DLC1: variants seen among roughly 807,000 people sequenced by gnomAD.
DLC1 encodes the protein rho GTPase-activating protein 7.
DLC1 carries 54 observed loss-of-function variants against 140.3 expected under a neutral mutation model. The ratio of observed to expected loss-of-function variants is 0.38; its 90% CI spans 0.31 to 0.48. The LOEUF is 0.48. DLC1 is among the 20% of genes least tolerant of loss of function. The probability of loss-of-function intolerance (pLI) is 0.96; values close to 1 mark genes in which losing one functional copy is unlikely to be tolerated. For synonymous variants in DLC1, 986 were observed against 728.1 expected, an observed-to-expected ratio of 1.35 and a Z score of -5.70; for missense variants, 2,536 against 1,907.0, an observed-to-expected ratio of 1.33 and a Z score of -6.14.
intron 1 of DLC1, among the ~76,000 whole-genome samples, chr8:13,578,171 C>T (rs1387593158): frequency 6.6e-6 from 1 of 152,082 alleles, no homozygotes; most frequent in Non-Finnish European, 1.5e-5. Context: ...AGCACAGCTG[C>T]TGCTCCGTAC....
At position 13,168,662 on chromosome 8, in the gene DLC1, G is replaced by T. The variant is rs112618032; in HGVS notation, c.1349-53005C>A. ...ATAAACTGTCTCTAGTCCAGATAAG[G>T]CTCCTTTTGATCTTCCCCATGGAAT... On this transcript the variant is annotated intron_variant, in intron 5 of 17. Coordinates refer to ENST00000276297, the MANE Select transcript of DLC1 (RefSeq NM_182643.3). 6.4e-3 allele frequency among the ~76,000 whole-genome samples: 970 copies of T among 152,324 alleles called. 15 individuals are homozygous for T. Among genetic ancestry groups the T allele is most frequent in the African/African-American group, 0.022 (912 of 41,564 alleles).
Position 13,482,849 on chromosome 8 carries a change from T to C in DLC1, c.1023+16200A>G, listed in dbSNP as rs887999004. On this transcript the variant is annotated intron_variant, in intron 2 of 17. Transcript: ENST00000276297. ...TGTACACTGGGCATATGCTAGCTGCTAAGGAGAGAATGGTGACTAAGTAAT... is the reference window on the plus strand; with the variant it reads ...TGTACACTGGGCATATGCTAGCTGCCAAGGAGAGAATGGTGACTAAGTAAT... Among the ~76,000 whole-genome samples, 4 of 152,194 alleles carry C rather than the reference T, an allele frequency of 2.6e-5. 1 individual carries two copies. Among genetic ancestry groups the C allele is most frequent in the African/African-American group, 9.6e-5 (4 of 41,456 alleles).
chr8:13,109,820 G>C (rs573835210), intron 7 of DLC1, among the ~76,000 whole-genome samples: 12 of 151,958 alleles, frequency 7.9e-5, no homozygotes, highest in Admixed American at 1.3e-4. Flanking sequence ...GGGAGGCGGA[G>C]GTTGCAGTGA....
intron 4 of DLC1, among the ~76,000 whole-genome samples, chr8:13,351,279 A>T (rs917271242): frequency 6.6e-6 from 1 of 152,266 alleles, no homozygotes; most frequent in African/African-American, 2.4e-5. Context: ...CTCATGTTAT[A>T]GATGAAGACA....
At chr8:13,456,202 G>A (rs989889317) in intron 2 of DLC1, among the ~76,000 whole-genome samples, 1 of 152,294 alleles carries the variant, frequency 6.6e-6, no homozygotes, top group Non-Finnish European at 1.5e-5. Context: ...TTTGGCCTTT[G>A]CATCTATAGA....
chr8:13,508,382 T>C (rs1047750794), intron 1 of DLC1, among the ~76,000 whole-genome samples: 1 of 152,090 alleles, frequency 6.6e-6, no homozygotes, highest in African/African-American at 2.4e-5. Context: ...AACAGAGCCA[T>C]GTGGGACAAT....
intron 4 of DLC1, among the ~76,000 whole-genome samples, chr8:13,323,821 G>A (rs1334379280): frequency 6.6e-6 from 1 of 152,108 alleles, no homozygotes; most frequent in East Asian, 1.9e-4. Flanking sequence ...TTTGTTAACT[G>A]GTGGTATTAT....
At chr8:13,238,927 G>GT (rs1829415832) in intron 5 of DLC1, among the ~76,000 whole-genome samples, 1 of 152,212 alleles carries the variant, frequency 6.6e-6, no homozygotes, top group Admixed American at 6.5e-5. Flanking sequence ...GCCAGATGGT[G>GT]TGGGGGGTGT....
At chr8:13,549,439 C>A (rs896812766) in intron 1 of DLC1, among the ~76,000 whole-genome samples, 21 of 152,046 alleles carry the variant, frequency 1.4e-4, no homozygotes, top group African/African-American at 4.6e-4. Context: ...ATAAGGTAAG[C>A]AAATTTAACT....
chr8:13,245,594 G>A (rs1829730928), intron 5 of DLC1, among the ~76,000 whole-genome samples: 1 of 151,856 alleles, frequency 6.6e-6, no homozygotes, highest in Non-Finnish European at 1.5e-5. Context: ...TTTGTCTCAG[G>A]GACTTTTCTT....
intron 5 of DLC1, among the ~76,000 whole-genome samples, chr8:13,228,707 C>T (rs1027119254): frequency 1.3e-5 from 2 of 152,192 alleles, no homozygotes; most frequent in Non-Finnish European, 2.9e-5. Flanking sequence ...TCGTGCTGCT[C>T]CACTCCAGCC....
intron 8 of DLC1, 68 bp from the exon 9 acceptor site, chr8:13,100,838 G>A (rs1156615059): frequency 6.7e-7 from 1 of 1,485,830 alleles, no homozygotes; most frequent in South Asian, 1.4e-5. Flanking sequence ...GGCATGAGCA[G>A]GAGGCTGCTC....
intron 2 of DLC1, among the ~76,000 whole-genome samples, chr8:13,472,522 C>T (rs1800254111): frequency 6.6e-6 from 1 of 152,192 alleles, no homozygotes; most frequent in South Asian, 2.1e-4. Context: ...CCTTGACATA[C>T]TGTGAGAATT....
intron 5 of DLC1, among the ~76,000 whole-genome samples, chr8:13,209,766 A>T (rs1827848458): frequency 6.6e-6 from 1 of 152,076 alleles, no homozygotes; most frequent in Non-Finnish European, 1.5e-5. Context: ...ACCATGTGAG[A>T]TGCCTGCTCC....
intron 5 of DLC1, among the ~76,000 whole-genome samples, chr8:13,243,903 C>G (rs1028571597): frequency 6.6e-6 from 1 of 152,160 alleles, no homozygotes; most frequent in Non-Finnish European, 1.5e-5. Context: ...TAAGTTTAGA[C>G]TCATATATGC....
intron 5 of DLC1, among the ~76,000 whole-genome samples, chr8:13,121,727 AT>A (rs953787443): frequency 3.7e-4 from 19 of 51,934 alleles, no homozygotes; most frequent in South Asian, 5.9e-4. Flanking sequence ...TTTTTATACT[AT>A]TTTTTATAGA....
chr8:13,249,462 G>C lies in DLC1; in HGVS notation c.1348+55807C>G, dbSNP rs17127711. On this transcript the variant is annotated intron_variant, in intron 5 of 17. Coordinates refer to ENST00000276297, the MANE Select transcript of DLC1 (RefSeq NM_182643.3). ...TTGGTATCCTCTATCTCAGCTTCCA[G>C]GCACTCCTTGTCATGGTACCCACTG... Among the ~76,000 whole-genome samples, 1,488 of 152,136 alleles carry C rather than the reference G, an allele frequency of 9.8e-3. 34 individuals carry two copies. The highest frequency in any genetic ancestry group is 0.035 in the African/African-American group (1,436 of 41,508).
At chr8:13,331,519 A>T (rs1254180280) in intron 4 of DLC1, among the ~76,000 whole-genome samples, 1 of 152,186 alleles carries the variant, frequency 6.6e-6, no homozygotes, top group Non-Finnish European at 1.5e-5. Flanking sequence ...GCTACAGAGG[A>T]TCAAAAAAGG....
chr8:13,400,289 G>A (rs1305528528), intron 3 of DLC1, among the ~76,000 whole-genome samples: 9 of 152,050 alleles, frequency 5.9e-5, no homozygotes, highest in African/African-American at 9.7e-5. Flanking sequence ...GATCCGTGCG[G>A]TACTTCTTAT....
Sources: gnomAD v4.1 joint callset for allele counts (sites outside exome capture counted in the v4.1 genomes callset) on GRCh38, gnomAD v4.1.1 for gene constraint, MANE v1.5 for transcripts, NCBI Gene and HGNC (gene_info 2026-07-23, HGNC 2026-07-21) for gene names.